Variants in DPF3 observed in about 807,000 individuals in gnomAD.
DPF3 encodes the protein double PHD fingers 3.
DPF3 carries 18 observed loss-of-function variants against 56.8 expected under a neutral mutation model. The observed-to-expected ratio is 0.32, with a 90% confidence interval of 0.22 to 0.47. The LOEUF (loss-of-function observed/expected upper bound fraction) is 0.47, where lower values mean the gene tolerates loss of function less well. Among genes scored for constraint, DPF3 ranks in the 20% least tolerant of loss-of-function variants. The pLI is 1.00. For synonymous variants in DPF3, 188 were observed against 180.2 expected (o/e 1.04, Z -0.35); for missense variants, 403 against 488.8 (o/e 0.82, Z 1.65).
chr14:72,662,370 T>C (rs946518530), intron 8 of DPF3: 14 of 985,052 alleles, frequency 1.4e-5, no homozygotes, highest in Non-Finnish European at 1.7e-5. Flanking sequence ...AAATTGCGCT[T>C]AACTTTTGAA....
intron 7 of DPF3, among the ~76,000 whole-genome samples, chr14:72,689,001 G>C (rs544568379): frequency 3.9e-5 from 6 of 152,266 alleles, no homozygotes; most frequent in Middle Eastern, 3.4e-3. Context: ...AGGAGAAAAT[G>C]AGAGACTGAG....
At chr14:72,661,489 A>G (rs1276087673) in intron 8 of DPF3, 2 of 985,514 alleles carry the variant, frequency 2.0e-6, no homozygotes, top group East Asian at 1.1e-4. Context: ...ACCCAAGAGC[A>G]TGGCTGTGTG....
In DPF3 at chr14:72,629,552, C is replaced by T. The variant is rs1885045171; in HGVS notation, c.984+72G>A. 5 of 1,392,808 alleles carry T rather than the reference C, an allele frequency of 3.6e-6. No individual in the cohort carries two copies. The South Asian group carries it at 3.7e-5, about 10-fold the overall frequency. The allele number at this position is 1,392,808 out of a possible 1,614,324, so 86.3% of individuals were successfully genotyped here. Reference sequence around the variant, plus strand: ...AGGGGCCTAGTGACAAGAGTCCTTCCTTCCTCTTCACCCCTCAAAGGACCC... The same window carrying T: ...AGGGGCCTAGTGACAAGAGTCCTTCTTTCCTCTTCACCCCTCAAAGGACCC... On this transcript the variant is annotated intron_variant, in intron 9 of 10. Coordinates refer to ENST00000556509, the MANE Select transcript of DPF3 (RefSeq NM_001280542.3).
intron 7 of DPF3, 96 bp from the exon 8 acceptor site, chr14:72,674,464 G>C: frequency 6.8e-7 from 1 of 1,470,958 alleles, no homozygotes; most frequent in Non-Finnish European, 9.0e-7. Flanking sequence ...TGCTCCAGAA[G>C]GAATCTGAGG....
intron 3 of DPF3, among the ~76,000 whole-genome samples, chr14:72,736,780 G>A (rs894206946): frequency 6.6e-6 from 1 of 152,042 alleles, no homozygotes; most frequent in Non-Finnish European, 1.5e-5. Flanking sequence ...CTTTGAAAGT[G>A]TACTCATTTT....
intron 1 of DPF3, among the ~76,000 whole-genome samples, chr14:72,777,529 T>A (rs77251544): frequency 6.6e-6 from 1 of 152,204 alleles, no homozygotes; most frequent in Non-Finnish European, 1.5e-5. Flanking sequence ...TGTTTGGAGA[T>A]GGAGCATTTG....
At position 72,723,913 on chromosome 14, in the gene DPF3, G is replaced by T. The variant is rs1889288087; in HGVS notation, c.430-185C>A. On this transcript the variant is annotated intron_variant, in intron 4 of 10. Transcript: ENST00000556509. ...AGTTTGAACTCTTGGCACTACCGAG[G>T]CTCTCCTAAGCCCTTGGGCCCCTTC... 3 of 559,192 alleles carry T rather than the reference G, an allele frequency of 5.4e-6. No individual in the cohort carries two copies. In the South Asian group the frequency reaches 7.2e-5, roughly 13 times the overall value. The allele number at this position is 559,192 out of a possible 1,614,324, so 34.6% of individuals were successfully genotyped here. A position where few individuals can be genotyped will look rare whatever the true frequency, so the allele number is the denominator to read the frequency against.
intron 1 of DPF3, among the ~76,000 whole-genome samples, chr14:72,820,967 A>C (rs898154285): frequency 3.3e-5 from 5 of 151,996 alleles, no homozygotes; most frequent in African/African-American, 1.2e-4. Context: ...CCCCATCTCT[A>C]CCAAAAATAC....
chr14:72,671,301 T>C, intron 8 of DPF3: 1 of 1,614,016 alleles, frequency 6.2e-7, no homozygotes, highest in Non-Finnish European at 8.5e-7. Flanking sequence ...CTGCGGCCGC[T>C]GCCTCCTTCT....
intron 8 of DPF3, among the ~76,000 whole-genome samples, chr14:72,651,951 G>A (rs1013894149): frequency 2.0e-5 from 3 of 152,172 alleles, no homozygotes; most frequent in African/African-American, 4.8e-5. Flanking sequence ...TGGGCAACAG[G>A]ACTCACAGCC....
chr14:72,838,908 C>CTATATATATATATATATTT (rs1884428149), intron 1 of DPF3, among the ~76,000 whole-genome samples: 1 of 78,618 alleles, frequency 1.3e-5, no homozygotes, highest in Admixed American at 1.6e-4. Flanking sequence ...CATATATATT[C>CTATATATATATATATATTT]TTTTTTTTTT....
chr14:72,716,639 T>C (rs557979320), intron 5 of DPF3, among the ~76,000 whole-genome samples: 1 of 152,130 alleles, frequency 6.6e-6, no homozygotes, highest in African/African-American at 2.4e-5. Context: ...GTGGAGACCA[T>C]GTTTATTTTG....
At chr14:72,619,598 T>C (rs1211468612) in intron 10 of DPF3, among the ~76,000 whole-genome samples, 3 of 152,084 alleles carry the variant, frequency 2.0e-5, no homozygotes. Context: ...GCCTCCAAAC[T>C]AGTGTCGCCG....
intron 8 of DPF3, among the ~76,000 whole-genome samples, chr14:72,640,321 T>G (rs947008464): frequency 3.3e-5 from 5 of 152,174 alleles, no homozygotes; most frequent in African/African-American, 1.2e-4. Flanking sequence ...CTTGTACCCA[T>G]GCTTTAGAGA....
chr14:72,768,307 C>G (rs1468399232), intron 2 of DPF3, among the ~76,000 whole-genome samples: 1 of 152,124 alleles, frequency 6.6e-6, no homozygotes, highest in Non-Finnish European at 1.5e-5. Flanking sequence ...AATTATAACA[C>G]TGGTATGGTT....
chr14:72,714,018 A>G (rs140355673), intron 6 of DPF3, among the ~76,000 whole-genome samples: 211 of 152,360 alleles, frequency 1.4e-3, no homozygotes, highest in African/African-American at 4.9e-3. Context: ...ATGAAAAGCC[A>G]TGGCGAGCCA....
At position 72,768,933 on chromosome 14, in the gene DPF3, CTGTGTGTGTG is replaced by C. The variant is rs10543093; in HGVS notation, c.193+2790_193+2799del. Among the ~76,000 whole-genome samples the C allele has an allele frequency of 3.2e-3, 472 of 146,510 alleles. 3 individuals are homozygous for C. Among genetic ancestry groups the C allele is most frequent in the African/African-American group, 6.6e-3 (262 of 39,658 alleles). On this transcript the variant is annotated intron_variant, in intron 2 of 10. Transcript: ENST00000556509. ...TTGTTCTGATACTGTGTGTGAGTGT[CTGTGTGTGTG>C]TGTGTGTGTGTGTGTGTGTGTGTGT...
chr14:72,761,879 C>T (rs1281419411), intron 2 of DPF3, among the ~76,000 whole-genome samples: 1 of 151,494 alleles, frequency 6.6e-6, no homozygotes. Context: ...AATATGCCAC[C>T]ACAGATTCTA....
intron 1 of DPF3, among the ~76,000 whole-genome samples, chr14:72,868,848 C>G (rs1025027438): frequency 1.3e-5 from 2 of 152,114 alleles, no homozygotes; most frequent in African/African-American, 4.8e-5. Flanking sequence ...GACAAGCTTC[C>G]CCAAAACCCA....
Sources: allele counts gnomAD v4.1 joint callset (sites outside exome capture counted in the v4.1 genomes callset), GRCh38; gene constraint gnomAD v4.1.1; transcripts MANE v1.5; gene names NCBI Gene and HGNC (gene_info 2026-07-23, HGNC 2026-07-21).